Variants in LAMB3 observed in about 807,000 individuals in gnomAD.
The protein encoded by LAMB3 is laminin subunit beta-3.
LAMB3 carries 104 observed loss-of-function variants against 140.3 expected under a neutral mutation model. The ratio of observed to expected loss-of-function variants is 0.74; its 90% CI spans 0.63 to 0.87. The LOEUF is 0.87. Ranked by LOEUF, LAMB3 falls within the 40% of genes least tolerant of loss-of-function variation. The probability of loss-of-function intolerance (pLI) is 0.00; values close to 1 mark genes in which losing one functional copy is unlikely to be tolerated. For synonymous variants in LAMB3, 592 were observed against 602.9 expected, an observed-to-expected ratio of 0.98 and a Z score of 0.26; for missense variants, 1,531 against 1,575.2, an observed-to-expected ratio of 0.97 and a Z score of 0.47.
At chr1:209,642,950 G>T (rs1234576167) in intron 3 of LAMB3, among the ~76,000 whole-genome samples, 1 of 152,218 alleles carries the variant, frequency 6.6e-6, no homozygotes, top group African/African-American at 2.4e-5. Context: ...CTGTCCACGT[G>T]TGCAGGCACT....
Position 209,650,014 on chromosome 1 carries a change from A to G in LAMB3, c.133T>C (p.Ser45Pro). Residue 45 changes from serine (S) to proline (P), a missense_variant, in exon 3 of 23, where the codon TCT becomes CCT. Transcript: ENST00000356082. ...TCAGGCTTGGTCAGTCCACAGGTAG[A>G]TGAAGCTCGGAGAAACCGGGTCCTC... ...VGRTRFLRAS[S>P]TCGLTKPETY... 6.2e-7 allele frequency: 1 copy of G among 1,614,188 alleles called. No individual in the cohort carries two copies. Among genetic ancestry groups the G allele is most frequent in the Non-Finnish European group, 8.5e-7 (1 of 1,180,032 alleles).
intron 5 of LAMB3, among the ~76,000 whole-genome samples, chr1:209,635,363 C>T (rs539047601): frequency 6.6e-6 from 1 of 152,168 alleles, no homozygotes; most frequent in African/African-American, 2.4e-5. Context: ...CCCACGTTCA[C>T]TCTTACTCAG....
intron 6 of LAMB3, among the ~76,000 whole-genome samples, chr1:209,633,749 C>A (rs58679997): frequency 0.032 from 4,907 of 152,270 alleles, 298 homozygotes; most frequent in East Asian, 0.29. Flanking sequence ...ATAGAGGGCC[C>A]CACTCTGAGC....
At chr1:209,618,885 G>C (rs768949370) in intron 18 of LAMB3, 1 of 593,430 alleles carries the variant, frequency 1.7e-6, no homozygotes, top group Admixed American at 2.7e-5. Context: ...CTGCAGCAGG[G>C]AGGAGGAGGG....
intron 7 of LAMB3, 92 bp downstream of exon 7, chr1:209,632,978 A>G: frequency 8.7e-7 from 1 of 1,147,760 alleles, no homozygotes; most frequent in Non-Finnish European, 1.3e-6. Context: ...TGACAAAAAC[A>G]TGAAAGACCA....
At chr1:209,629,019 A>G (rs1446701204) in intron 10 of LAMB3, among the ~76,000 whole-genome samples, 1 of 152,214 alleles carries the variant, frequency 6.6e-6, no homozygotes, top group African/African-American at 2.4e-5. Flanking sequence ...AGAAACAAAC[A>G]TCAACAGAAA....
At chr1:209,618,999 C>T (rs1666095374) in intron 18 of LAMB3, among the ~76,000 whole-genome samples, 1 of 152,220 alleles carries the variant, frequency 6.6e-6, no homozygotes, top group South Asian at 2.1e-4. Flanking sequence ...ATGCCTGCAG[C>T]ACATGCACAA....
rs566813980 is a variant in LAMB3, at chr1:209,638,619, G to A, written c.213C>T (p.Ser71=). The A allele has an allele frequency of 4.3e-6, 7 of 1,613,810 alleles. No homozygotes were observed. The East Asian group carries it at 6.7e-5, about 15-fold the overall frequency. The change falls in exon 4 of 23, where the codon TCC becomes TCT. Residue 71 remains serine, a synonymous_variant. Transcript: ENST00000356082. ...GACTGTAGTAGTTGTGAGGCTGCCT[G>A]GAGTCACACTTGCAGCATTTCATCT... The part of the protein sequence containing the change: ...EWQMKCCKCD[S]RQPHNYYSHR...
In LAMB3 at chr1:209,623,584, C is replaced by T. The variant is rs751380979; in HGVS notation, c.2279G>A (p.Gly760Glu). 6.2e-7 allele frequency: 1 copy of T among 1,614,028 alleles called. No individual in the cohort carries two copies. The highest frequency in any genetic ancestry group is 2.2e-5 in the East Asian group (1 of 44,888). The change falls in exon 16 of 23, where the codon GGA becomes GAA. Residue 760 changes from glycine (G) to glutamate (E), a missense_variant. Gly to Glu is a moderately conservative substitution (Grantham distance 98). Transcript: ENST00000356082. The surrounding 1 kb of genome is among the most constrained non-coding windows in gnomAD (Gnocchi z 4.2). ...CACAAGCTTGGGGCTGCCGGTGCCT[C>T]CTCCTCCTCCCGCCTGCCGCACCAG... The part of the protein sequence containing the change: ...ERLVRQAGGG[G>E]GTGSPKLVAL...
At position 209,623,627 on chromosome 1, in the gene LAMB3, G is replaced by A. The variant is rs754065029; in HGVS notation, c.2236C>T (p.Arg746Trp). ...SRLLDQLRDS[R>W]REAERLVRQA... is the part of the protein sequence containing the mutation. ...CGCACCAGCCTCTCTGCCTCTCTCC[G>A]GCTGTCCCTGAGCTGGTCCAAAAGG... The change falls in exon 16 of 23, where the codon CGG (arginine) becomes TGG (tryptophan). Residue 746 changes from arginine to tryptophan, a missense_variant. By Grantham distance (101) the Arg-to-Trp change is moderately radical. Transcript: ENST00000356082. This position sits in a 1 kb window ranked among gnomAD's most constrained non-coding sequence, Gnocchi z 4.2. 4.8e-5 allele frequency: 78 copies of A among 1,614,200 alleles called. No individual in the cohort carries two copies. In the Middle Eastern group the frequency reaches 4.9e-4, roughly 10 times the overall value.
Position 209,629,683 on chromosome 1 carries a change from GAGAT to G in LAMB3, c.1132+50_1132+53del, listed in dbSNP as rs999542474. 4.9e-5 allele frequency: 75 copies of G among 1,531,434 alleles called. 1 individual carries two copies. In the African/African-American group the frequency reaches 8.0e-4, roughly 16 times the overall value. 94.9% of individuals were successfully genotyped at this position (1,531,434 alleles called of 1,614,324 possible). ...AACATGTACTCTATTGTACCCAGAGGAGATGGGGAGTAACAGACAAATGACACTC... is the reference window on the plus strand; with the variant it reads ...AACATGTACTCTATTGTACCCAGAGGGGGGAGTAACAGACAAATGACACTC... On this transcript the variant is annotated intron_variant, in intron 10 of 22. Transcript: ENST00000356082.
chr1:209,634,917 TTCTCTCTCTCTCTC>T (rs59855467), intron 5 of LAMB3, among the ~76,000 whole-genome samples: 4,619 of 136,228 alleles, frequency 0.034, 214 homozygotes, highest in East Asian at 0.25. Flanking sequence ...CCATTTTTTA[TTCTCTCTCTCTCTC>T]TCTCTCTCTC....
At chr1:209,622,337 G>C (rs1211616414) in intron 18 of LAMB3, among the ~76,000 whole-genome samples, 199 bp downstream of exon 18, 2 of 152,214 alleles carry the variant, frequency 1.3e-5, no homozygotes, top group Non-Finnish European at 2.9e-5. Flanking sequence ...GAATGAGAAT[G>C]GGTCACAAGG....
intron 3 of LAMB3, among the ~76,000 whole-genome samples, chr1:209,644,671 A>T (rs958981306): frequency 6.6e-6 from 1 of 152,050 alleles, no homozygotes; most frequent in African/African-American, 2.4e-5. Context: ...TCACTTGGCA[A>T]TCACTGAAAA....
At position 209,628,112 on chromosome 1, in the gene LAMB3, T is replaced by C. The variant is rs1221410361; in HGVS notation, c.1211A>G (p.His404Arg). The C allele has an allele frequency of 6.3e-7, 1 of 1,596,644 alleles. No homozygotes were observed. Among genetic ancestry groups the C allele is most frequent in the Non-Finnish European group, 8.5e-7 (1 of 1,171,006 alleles). ...PVTGQCVCKE[H>R]VQGERCDLCK... ...TAGGTCACAGCGCTCTCCCTGCACATGCTCCTTGCACACACACTGCCCGGT... is the reference window on the plus strand; with the variant it reads ...TAGGTCACAGCGCTCTCCCTGCACACGCTCCTTGCACACACACTGCCCGGT... Residue 404 changes from histidine to arginine, a missense_variant, in exon 11 of 23, where the codon CAT becomes CGT. His to Arg is a conservative substitution (Grantham distance 29, BLOSUM62 0). Transcript: ENST00000356082.
rs1397909988 is a variant in LAMB3, at chr1:209,622,584, C to T, written c.2653G>A (p.Val885Ile). 6.2e-7 allele frequency: 1 copy of T among 1,614,096 alleles called. No homozygotes were observed. Among genetic ancestry groups the T allele is most frequent in the East Asian group, 2.2e-5 (1 of 44,848 alleles). The change falls in exon 18 of 23, where the codon GTC (valine) becomes ATC (isoleucine). Residue 885 changes from valine to isoleucine, a missense_variant. Val to Ile is a conservative substitution (Grantham distance 29). Coordinates refer to ENST00000356082, the MANE Select transcript of LAMB3 (RefSeq NM_000228.3). ...TGGATTAGGAGCCGTGTGCGTCTGA[C>T]ATCTTCCTCCATCTGGGAGCGGCTG... ...SASRSQMEED[V>I]RRTRLLIQQV...
At chr1:209,628,301 A>G in intron 10 of LAMB3, 111 bp from the exon 11 acceptor site, 7 of 1,229,700 alleles carry the variant, frequency 5.7e-6, no homozygotes, top group Non-Finnish European at 8.1e-6. Flanking sequence ...CTGGATTTCA[A>G]ATTCACAGCC....
intron 12 of LAMB3, 83 bp from the exon 13 acceptor site, chr1:209,627,061 T>G (rs892335123): frequency 9.7e-7 from 1 of 1,035,890 alleles, no homozygotes; most frequent in African/African-American, 1.6e-5. Flanking sequence ...CCTAGATTCC[T>G]GGTCCACAGG....
intron 3 of LAMB3, among the ~76,000 whole-genome samples, chr1:209,649,382 G>T (rs2076545262): frequency 6.6e-6 from 1 of 152,138 alleles, no homozygotes; most frequent in Non-Finnish European, 1.5e-5. Context: ...TATAAAAAAA[G>T]ACCCAGAGAC....
Sources: allele counts gnomAD v4.1 joint callset (sites outside exome capture counted in the v4.1 genomes callset), GRCh38; gene constraint gnomAD v4.1.1; non-coding constraint Gnocchi (gnomAD v3.1); transcripts MANE v1.5; gene names NCBI Gene and HGNC (gene_info 2026-07-23, HGNC 2026-07-21).